The following CABIN1 variants were observed in gnomAD, a reference collection of about 807,000 sequenced individuals.
CABIN1 encodes calcineurin binding protein 1, also known as calcineurin-binding protein cabin-1.
A neutral mutation model predicts 227.7 loss-of-function variants in CABIN1; 133 were observed. That is an observed-to-expected ratio of 0.58 (90% confidence interval 0.51 to 0.67). The LOEUF is 0.67. CABIN1 is among the 30% of genes least tolerant of loss of function. CABIN1 has a pLI of 0.00. For synonymous variants in CABIN1, 1,086 were observed against 1,155.1 expected, an observed-to-expected ratio of 0.94 and a Z score of 1.21; for missense variants, 2,408 against 2,852.5, an observed-to-expected ratio of 0.84 and a Z score of 3.55.
At chr22:24,081,011 A>C (rs906165185) in intron 19 of CABIN1, among the ~76,000 whole-genome samples, 1 of 152,090 alleles carries the variant, frequency 6.6e-6, no homozygotes, top group Non-Finnish European at 1.5e-5. Flanking sequence ...TGTAGGTTCT[A>C]GGGTCTCTGT....
At chr22:24,089,025 G>A (rs2041362125) in intron 23 of CABIN1, among the ~76,000 whole-genome samples, 1 of 152,208 alleles carries the variant, frequency 6.6e-6, no homozygotes, top group African/African-American at 2.4e-5. Flanking sequence ...GCTGCCCTAG[G>A]ATGCAGAGCC....
intron 6 of CABIN1, among the ~76,000 whole-genome samples, chr22:24,044,288 A>G (rs1238588338): frequency 6.6e-6 from 1 of 152,174 alleles, no homozygotes; most frequent in Non-Finnish European, 1.5e-5. Flanking sequence ...TTTCCTTGAA[A>G]GATAACATAT....
intron 29 of CABIN1, chr22:24,156,022 A>T (rs1361549246): frequency 1.6e-5 from 9 of 573,530 alleles, no homozygotes; most frequent in Non-Finnish European, 2.5e-5. Context: ...CTCCGCGGCC[A>T]TGGCCCGGCG....
At chr22:24,059,147 A>T in intron 10 of CABIN1, 80 bp from the exon 11 acceptor site, 1 of 1,569,816 alleles carries the variant, frequency 6.4e-7, no homozygotes, top group Non-Finnish European at 8.8e-7. Flanking sequence ...ACTCAGATTT[A>T]GTTTCTCTAA....
At chr22:24,175,753 C>A (rs2047066910) in intron 34 of CABIN1, 4 of 403,098 alleles carry the variant, frequency 9.9e-6, no homozygotes, top group Non-Finnish European at 1.9e-5. Context: ...CTTATGTGAG[C>A]TGGAGGGAGA....
chr22:24,155,365 G>T (rs1399501553), intron 29 of CABIN1, among the ~76,000 whole-genome samples: 1 of 152,130 alleles, frequency 6.6e-6, no homozygotes, highest in African/African-American at 2.4e-5. Flanking sequence ...TGGGGATGGG[G>T]TACTGTTGCT....
At chr22:24,132,077 A>T (rs924102096) in intron 28 of CABIN1, among the ~76,000 whole-genome samples, 9 of 151,978 alleles carry the variant, frequency 5.9e-5, no homozygotes, top group Non-Finnish European at 1.3e-4. Context: ...AAAAAAAAAA[A>T]AAATACAGTG....
intron 29 of CABIN1, among the ~76,000 whole-genome samples, chr22:24,162,930 G>A (rs998890106): frequency 6.6e-6 from 1 of 152,168 alleles, no homozygotes; most frequent in Non-Finnish European, 1.5e-5. Flanking sequence ...TCAGCGGGAC[G>A]TACTGCTGCA....
rs1601917877 is a variant in CABIN1, at chr22:24,072,581, G to T, written c.2632+71G>T. 5 of 1,581,674 alleles carry T rather than the reference G, an allele frequency of 3.2e-6. No individual in the cohort carries two copies. In the East Asian group the frequency reaches 1.1e-4, roughly 35 times the overall value. On this transcript the variant is annotated intron_variant, in intron 18 of 36. Coordinates refer to ENST00000263119, the MANE Select transcript of CABIN1 (RefSeq NM_012295.4). ...TCCTTGCCCCTGTCCTCTGCCCTAG[G>T]GTCCTGGACCTTATCCAGACGTTGT...
chr22:24,146,180 T>C (rs115121635), intron 29 of CABIN1, among the ~76,000 whole-genome samples: 1,767 of 152,236 alleles, frequency 0.012, 30 homozygotes, highest in African/African-American at 0.04. Context: ...TTGGCTGTAG[T>C]AGGAATTGCT....
In CABIN1 at chr22:24,063,110, T is replaced by G. The variant is rs779254080; in HGVS notation, c.1848T>G (p.Arg616=). ...ATGGTTGGCTGGAGTTTGTGGTCCGTGTTTACTGGCTGAAGGCTCGCTTCC... is the reference window on the plus strand; with the variant it reads ...ATGGTTGGCTGGAGTTTGTGGTCCGGGTTTACTGGCTGAAGGCTCGCTTCC... ...FEDGWLEFVV[R]VYWLKARFLA... The change falls in exon 14 of 37, where the codon CGT becomes CGG. Residue 616 remains arginine (R), a synonymous_variant. Coordinates refer to ENST00000263119, the MANE Select transcript of CABIN1 (RefSeq NM_012295.4). The G allele has an allele frequency of 1.2e-6, 2 of 1,614,130 alleles. No homozygotes were observed. Among genetic ancestry groups the G allele is most frequent in the Non-Finnish European group, 1.7e-6 (2 of 1,180,026 alleles).
chr22:24,055,526 C>G (rs1254378968), intron 9 of CABIN1, among the ~76,000 whole-genome samples: 1 of 152,220 alleles, frequency 6.6e-6, no homozygotes, highest in Non-Finnish European at 1.5e-5. Flanking sequence ...TGGTCCTGCT[C>G]TCTTGCTGAC....
intron 28 of CABIN1, among the ~76,000 whole-genome samples, chr22:24,133,610 T>C (rs1839526360): frequency 1.3e-5 from 2 of 152,190 alleles, no homozygotes; most frequent in Admixed American, 6.5e-5. Context: ...CCTTTTCCTT[T>C]AGGACAGCAT....
At chr22:24,108,135 A>G (rs1471441177) in intron 26 of CABIN1, among the ~76,000 whole-genome samples, 7 of 152,222 alleles carry the variant, frequency 4.6e-5, no homozygotes, top group African/African-American at 1.7e-4. Context: ...CAGAGGTAGG[A>G]AGACAATGGC....
intron 1 of CABIN1, among the ~76,000 whole-genome samples, chr22:24,024,092 T>C (rs1258662657): frequency 6.6e-6 from 1 of 152,214 alleles, no homozygotes; most frequent in Non-Finnish European, 1.5e-5. Context: ...AGGAGTTCTT[T>C]ATATATTCTG....
At chr22:24,051,106 A>G (rs1465682829) in intron 8 of CABIN1, 132 bp downstream of exon 8, 2 of 1,162,274 alleles carry the variant, frequency 1.7e-6, no homozygotes, top group African/African-American at 3.0e-5. Context: ...CTGGGTGCAC[A>G]GTGGCCAAAT....
chr22:24,172,294 T>TAGCAAA (rs2148780692), intron 34 of CABIN1, among the ~76,000 whole-genome samples: 1 of 152,292 alleles, frequency 6.6e-6, no homozygotes, highest in South Asian at 2.1e-4. Context: ...TGCTACTGTT[T>TAGCAAA]CCTCCCCACA....
At chr22:24,032,355 A>G (rs921626389) in intron 1 of CABIN1, among the ~76,000 whole-genome samples, 4 of 152,214 alleles carry the variant, frequency 2.6e-5, no homozygotes, top group East Asian at 1.9e-4. Flanking sequence ...ATTCTGTTGT[A>G]TGTATACACC....
chr22:24,050,834 G>A lies in CABIN1; in HGVS notation c.666G>A (p.Ser222=), dbSNP rs373478902. 126 of 1,613,994 alleles carry A rather than the reference G, an allele frequency of 7.8e-5. No individual in the cohort carries two copies. Among genetic ancestry groups the A allele is most frequent in the Non-Finnish European group, 8.9e-5 (105 of 1,180,034 alleles). ...SLRMFLKCDM[S]IHDVSVSAAE... is the part of the protein sequence containing the mutation. ...TCTCACATGCTTTTAGTGACATGTCGATTCACGATGTTTCGGTGAGTGCAG... is the reference window on the plus strand; with the variant it reads ...TCTCACATGCTTTTAGTGACATGTCAATTCACGATGTTTCGGTGAGTGCAG... Residue 222 remains serine (S), a synonymous_variant, in exon 8 of 37, where the codon TCG becomes TCA. Transcript: ENST00000263119.
Sources: allele counts gnomAD v4.1 joint callset (sites outside exome capture counted in the v4.1 genomes callset), GRCh38; gene constraint gnomAD v4.1.1; transcripts MANE v1.5; gene names NCBI Gene and HGNC (gene_info 2026-07-23, HGNC 2026-07-21).